The following ENOX2 variants were observed in gnomAD, a reference collection of about 807,000 sequenced individuals.
ENOX2 encodes APK1 antigen.
ENOX2 carries 36 observed loss-of-function variants against 45.0 expected under a neutral mutation model. The ratio of observed to expected loss-of-function variants is 0.80; its 90% CI spans 0.61 to 1.06. The LOEUF (loss-of-function observed/expected upper bound fraction) is 1.06. Ranked by LOEUF, ENOX2 falls within the 50% of genes least tolerant of loss-of-function variation. The probability of loss-of-function intolerance (pLI) is 0.00; values close to 1 mark genes in which losing one functional copy is unlikely to be tolerated. For synonymous variants in ENOX2, 174 were observed against 152.3 expected, an observed-to-expected ratio of 1.14 and a Z score of -1.05; for missense variants, 423 against 462.5, an observed-to-expected ratio of 0.91 and a Z score of 0.78.
In ENOX2 at chrX:130,624,654, G is replaced by A. The variant is rs906830155; in HGVS notation, c.*660C>T. The A allele has an allele frequency of 1.8e-5, 2 of 112,789 alleles. No homozygotes were observed. Among genetic ancestry groups the A allele is most frequent in the African/African-American group, 6.4e-5 (2 of 31,018 alleles). 9.3% of individuals were successfully genotyped at this position (112,789 alleles called of 1,213,427 possible). ...TTGCTTTCTGTAAACACATCTAGATGTACTTTTTACAATTCTGAAACAGAT... is the reference window on the plus strand; with the variant it reads ...TTGCTTTCTGTAAACACATCTAGATATACTTTTTACAATTCTGAAACAGAT... On this transcript the variant is annotated 3_prime_UTR_variant, in exon 15 of 15. Coordinates refer to ENST00000394363, the MANE Select transcript of ENOX2 (RefSeq NM_006375.4).
chrX:130,654,907 A>G (rs1354295280), intron 10 of ENOX2, among the ~76,000 whole-genome samples: 1 of 111,999 alleles, frequency 8.9e-6, no homozygotes, highest in East Asian at 2.8e-4. Flanking sequence ...AGTGCATTCA[A>G]TCTGAGTCTC....
chrX:130,728,940 G>T, intron 3 of ENOX2, among the ~76,000 whole-genome samples: 1 of 111,551 alleles, frequency 9.0e-6, no homozygotes, highest in Non-Finnish European at 1.9e-5. Flanking sequence ...GAGGAGGAAA[G>T]AACCTGTTAG....
intron 3 of ENOX2, among the ~76,000 whole-genome samples, chrX:130,775,924 A>C (rs1383409843): frequency 9.0e-6 from 1 of 111,277 alleles, no homozygotes; most frequent in Non-Finnish European, 1.9e-5. Flanking sequence ...TTCCCCATTA[A>C]ACAAATTTGG....
intron 3 of ENOX2, among the ~76,000 whole-genome samples, chrX:130,733,231 T>C (rs2038779042): frequency 9.0e-6 from 1 of 111,715 alleles, no homozygotes; most frequent in African/African-American, 3.2e-5. Context: ...CAGACATTTC[T>C]CCAAAGAAGA....
intron 3 of ENOX2, among the ~76,000 whole-genome samples, chrX:130,712,301 G>A (rs985145399): frequency 8.9e-6 from 1 of 111,760 alleles, no homozygotes; most frequent in Non-Finnish European, 1.9e-5. Context: ...AGCCCCACCA[G>A]GAATGTCAGG....
chrX:130,698,108 C>T (rs773940859), intron 4 of ENOX2, among the ~76,000 whole-genome samples: 39 of 111,180 alleles, frequency 3.5e-4, no homozygotes, highest in African/African-American at 1.3e-3. Context: ...CTTGTTGTTG[C>T]CAGTAATCAA....
rs191352295 is a variant in ENOX2 at position 130,742,933 on chromosome X, A to T, written c.-38-39679T>A. 4.0e-4 allele frequency among the ~76,000 whole-genome samples: 45 copies of T among 112,369 alleles called. No homozygotes were observed. The East Asian group carries it at 0.012, about 29-fold the overall frequency. On this transcript the variant is annotated intron_variant, in intron 3 of 14. Transcript: ENST00000394363. Reference sequence around the variant, plus strand: ...GGGAAACAAGAAAGAATCAAACCACATGGATTCAAGAGAGCTGACTGTAGC... The same window carrying T: ...GGGAAACAAGAAAGAATCAAACCACTTGGATTCAAGAGAGCTGACTGTAGC...
At chrX:130,781,208 T>C (rs1038768859) in intron 3 of ENOX2, among the ~76,000 whole-genome samples, 6 of 112,098 alleles carry the variant, frequency 5.4e-5, no homozygotes, top group African/African-American at 1.6e-4. Context: ...ATTTGGAATT[T>C]GTGGTAATTT....
At chrX:130,850,940 G>C (rs754413210) in intron 2 of ENOX2, among the ~76,000 whole-genome samples, 87 of 112,486 alleles carry the variant, frequency 7.7e-4, no homozygotes, top group African/African-American at 2.6e-3. Context: ...CAGCCAGCAG[G>C]CACTTAAGTG....
chrX:130,768,892 G>T (rs748702783), intron 3 of ENOX2, among the ~76,000 whole-genome samples: 6 of 111,504 alleles, frequency 5.4e-5, no homozygotes, highest in Non-Finnish European at 9.4e-5. Context: ...AACTTTCTCA[G>T]ATATAGTTTG....
At chrX:130,827,433 T>C (rs1271469828) in intron 2 of ENOX2, among the ~76,000 whole-genome samples, 1 of 111,507 alleles carries the variant, frequency 9.0e-6, no homozygotes, top group Non-Finnish European at 1.9e-5. Flanking sequence ...TTCTACCTTT[T>C]CTACCCTCTA....
At chrX:130,743,776 G>A (rs769456026) in intron 3 of ENOX2, among the ~76,000 whole-genome samples, 13 of 111,050 alleles carry the variant, frequency 1.2e-4, no homozygotes, top group Admixed American at 1.1e-3. Flanking sequence ...CACCATGCCC[G>A]ACCCCTGTGA....
At chrX:130,728,693 T>C (rs2038664628) in intron 3 of ENOX2, among the ~76,000 whole-genome samples, 1 of 111,648 alleles carries the variant, frequency 9.0e-6, no homozygotes, top group Non-Finnish European at 1.9e-5. Context: ...ACATATAGGG[T>C]TAATTCCTCT....
At position 130,706,537 on chromosome X, in the gene ENOX2, T is replaced by C. The variant is rs1219023654; in HGVS notation, c.-38-3283A>G. On this transcript the variant is annotated intron_variant, in intron 3 of 14. Coordinates refer to ENST00000394363, the MANE Select transcript of ENOX2 (RefSeq NM_006375.4). ...ACCGACTGCCTTGGATTATTGTTAT[T>C]GTGTACATGTCTCCCTTCTGCTGGC... Among the ~76,000 whole-genome samples, 3 of 112,063 alleles carry C rather than the reference T, an allele frequency of 2.7e-5. No homozygotes were observed. In the Admixed American group the frequency reaches 2.8e-4, roughly 11 times the overall value.
chrX:130,656,679 T>C lies in ENOX2; in HGVS notation c.1031A>G (p.His344Arg). ...CKQAEEIRNI[H>R]NDELMGIRRE... ...CCTGATTCCCATTAATTCATCATTA[T>C]GAATGTTGCGAATTTCCTAAGGTTA... is the stretch of plus-strand genomic sequence containing the variant. The change falls in exon 10 of 15, where the codon CAT (histidine) becomes CGT (arginine). Residue 344 changes from histidine (H) to arginine (R), a missense_variant. Around this residue, in one of 5 missense-constraint regions of ENOX2, gnomAD observed 261 missense variants for 306.8 expected, o/e 0.85. Coordinates refer to ENST00000394363, the MANE Select transcript of ENOX2 (RefSeq NM_006375.4). The C allele has an allele frequency of 1.8e-6, 2 of 1,135,638 alleles. No individual in the cohort carries two copies. The highest frequency in any genetic ancestry group is 2.4e-6 in the Non-Finnish European group (2 of 832,352). The allele number at this position is 1,135,638 out of a possible 1,213,427, so 93.6% of individuals were successfully genotyped here. A position where few individuals can be genotyped will look rare whatever the true frequency, so the allele number is the denominator to read the frequency against.
At chrX:130,750,753 T>C (rs2039200408) in intron 3 of ENOX2, among the ~76,000 whole-genome samples, 1 of 111,395 alleles carries the variant, frequency 9.0e-6, no homozygotes, top group Non-Finnish European at 1.9e-5. Context: ...TTCTTCTCTG[T>C]TGGTTTTCAT....
chrX:130,704,310 A>G (rs1041549462), intron 3 of ENOX2, among the ~76,000 whole-genome samples: 2 of 111,627 alleles, frequency 1.8e-5, no homozygotes, highest in Non-Finnish European at 3.8e-5. Context: ...ATTTATATAG[A>G]GCATGTCATG....
chrX:130,747,835 G>A (rs2039130832), intron 3 of ENOX2, among the ~76,000 whole-genome samples: 1 of 112,425 alleles, frequency 8.9e-6, no homozygotes, highest in African/African-American at 3.2e-5. Flanking sequence ...GGCTCTGATT[G>A]ATTTTGGAGT....
chrX:130,817,915 A>T (rs1205131567), intron 2 of ENOX2, among the ~76,000 whole-genome samples: 1 of 111,995 alleles, frequency 8.9e-6, no homozygotes, highest in African/African-American at 3.3e-5. Context: ...AGTTCTGGCC[A>T]GGGCAATCAG....
Sources: gnomAD v4.1 joint callset for allele counts (sites outside exome capture counted in the v4.1 genomes callset) on GRCh38, gnomAD v4.1.1 for gene constraint, gnomAD v4.1.1 regional missense constraint, MANE v1.5 for transcripts, NCBI Gene and HGNC (gene_info 2026-07-23, HGNC 2026-07-21) for gene names.